The following PTPRE variants were observed in gnomAD, a reference collection of about 807,000 sequenced individuals.
The protein encoded by PTPRE is receptor-type tyrosine-protein phosphatase epsilon.
A neutral mutation model predicts 102.0 loss-of-function variants in PTPRE; 51 were observed. The ratio of observed to expected loss-of-function variants is 0.50; its 90% CI spans 0.40 to 0.63. The LOEUF is 0.63. Among genes scored for constraint, PTPRE ranks in the 30% least tolerant of loss-of-function variants. The probability of loss-of-function intolerance (pLI) is 0.00; values close to 1 mark genes in which losing one functional copy is unlikely to be tolerated. For missense variants in PTPRE, 752 were observed against 915.1 expected (o/e 0.82, Z 2.30); for synonymous variants, 345 against 348.2 (o/e 0.99, Z 0.10).
rs183668340 is a variant in PTPRE at position 127,924,736 on chromosome 10, A to G, written c.-31+17427A>G. On this transcript the variant is annotated intron_variant, in intron 1 of 20. Transcript: ENST00000254667. ...ATAAGGTCCCACTGGGCTGCAGAAT[A>G]CAGAAAAATTGACCCATATAACTTG... Among the ~76,000 whole-genome samples the G allele has an allele frequency of 9.2e-5, 14 of 152,384 alleles. 1 individual carries two copies. The East Asian group carries it at 2.5e-3, about 27-fold the overall frequency.
chr10:128,042,329 A>G (rs1308643268), intron 3 of PTPRE, among the ~76,000 whole-genome samples: 2 of 152,184 alleles, frequency 1.3e-5, no homozygotes, highest in Non-Finnish European at 2.9e-5. Context: ...CACTGTGGGC[A>G]CCGGCAGGAT....
intron 2 of PTPRE, among the ~76,000 whole-genome samples, chr10:128,033,730 C>T (rs1056642385): frequency 3.3e-5 from 5 of 152,196 alleles, no homozygotes; most frequent in South Asian, 2.1e-4. Context: ...TTGCAACCTC[C>T]GCCTCCCGGG....
chr10:128,082,579 C>T (rs61476667), intron 20 of PTPRE, among the ~76,000 whole-genome samples: 3,047 of 151,942 alleles, frequency 0.02, 98 homozygotes, highest in African/African-American at 0.07. Flanking sequence ...GTGAAAGCCA[C>T]AGACATTTAA....
chr10:127,985,769 A>C (rs1379938876), intron 2 of PTPRE, among the ~76,000 whole-genome samples: 2 of 151,722 alleles, frequency 1.3e-5, no homozygotes, highest in African/African-American at 2.4e-5. Context: ...CAGTATTCCA[A>C]TTTTTCACTT....
Position 128,056,115 on chromosome 10 carries a change from T to G in PTPRE, c.421-8T>G. On this transcript the variant is annotated splice_region_variant and splice_polypyrimidine_tract_variant and intron_variant, in intron 6 of 20. Coordinates refer to ENST00000254667, the MANE Select transcript of PTPRE (RefSeq NM_006504.6). ...CACATTTCATACTAATGCTACATTTTCTTCCAGTCATTGCCATCTGGACAC... is the reference window on the plus strand; with the variant it reads ...CACATTTCATACTAATGCTACATTTGCTTCCAGTCATTGCCATCTGGACAC... 1 of 1,594,964 alleles carries G rather than the reference T, an allele frequency of 6.3e-7. No individual in the cohort carries two copies. The highest frequency in any genetic ancestry group is 8.6e-7 in the Non-Finnish European group (1 of 1,162,932).
intron 2 of PTPRE, among the ~76,000 whole-genome samples, chr10:128,029,014 C>T (rs1470244514): frequency 6.6e-6 from 1 of 152,248 alleles, no homozygotes; most frequent in African/African-American, 2.4e-5. Flanking sequence ...CATGCCCCGT[C>T]CTGTGGTTAT....
intron 1 of PTPRE, among the ~76,000 whole-genome samples, chr10:127,914,676 C>T (rs1484432910): frequency 2.6e-5 from 4 of 152,208 alleles, no homozygotes; most frequent in South Asian, 2.1e-4. Flanking sequence ...CTACAGATGT[C>T]GGTGTTTCTT....
chr10:127,926,110 GGAGTCTATT>G (rs1347243906), intron 1 of PTPRE, among the ~76,000 whole-genome samples: 2 of 152,176 alleles, frequency 1.3e-5, no homozygotes, highest in African/African-American at 4.8e-5. Context: ...TTCAAGATTA[GGAGTCTATT>G]GTGTTTTCTC....
chr10:127,932,245 A>T (rs2135242799), intron 1 of PTPRE, among the ~76,000 whole-genome samples: 1 of 152,370 alleles, frequency 6.6e-6, no homozygotes, highest in Non-Finnish European at 1.5e-5. Context: ...GAAAATTAAC[A>T]TGCCGCGTTG....
chr10:128,076,481 T>G (rs1851216988), intron 17 of PTPRE, 122 bp from the exon 18 acceptor site: 1 of 746,452 alleles, frequency 1.3e-6, no homozygotes, highest in African/African-American at 4.4e-5. Context: ...TATTCATATG[T>G]TTTTTTTTTT....
chr10:128,063,975 T>G (rs539542123), intron 10 of PTPRE, among the ~76,000 whole-genome samples: 30 of 152,318 alleles, frequency 2.0e-4, no homozygotes, highest in African/African-American at 7.0e-4. Flanking sequence ...TCTGGCGTGT[T>G]CTGGCATGAA....
chr10:128,020,075 TGCGTG>T, intron 2 of PTPRE, among the ~76,000 whole-genome samples: 1 of 144,262 alleles, frequency 6.9e-6, no homozygotes, highest in Non-Finnish European at 1.5e-5. Flanking sequence ...TGTGTGTGTG[TGCGTG>T]CACATGCACG....
At chr10:128,042,773 C>A (rs1238150309) in intron 3 of PTPRE, among the ~76,000 whole-genome samples, 2 of 152,082 alleles carry the variant, frequency 1.3e-5, no homozygotes, top group Admixed American at 6.6e-5. Flanking sequence ...CTCATGCAGA[C>A]AAATTCTTTT....
At chr10:127,958,718 G>C (rs924253426) in intron 1 of PTPRE, among the ~76,000 whole-genome samples, 18 of 152,056 alleles carry the variant, frequency 1.2e-4, no homozygotes, top group Admixed American at 7.9e-4. Context: ...CATACAATGA[G>C]TGTTCCCTAT....
At chr10:127,937,988 C>T (rs1043631941) in intron 1 of PTPRE, among the ~76,000 whole-genome samples, 8 of 152,028 alleles carry the variant, frequency 5.3e-5, no homozygotes, top group East Asian at 1.9e-4. Flanking sequence ...AAGTAGGTAA[C>T]GCTCTCTCAC....
chr10:128,051,486 T>A lies in PTPRE; in HGVS notation c.420+1820T>A, dbSNP rs957433343. 2.0e-5 allele frequency among the ~76,000 whole-genome samples: 3 copies of A among 152,242 alleles called. No homozygotes were observed. The East Asian group carries it at 5.8e-4, about 29-fold the overall frequency. The stretch of plus-strand genomic sequence containing the variant: ...GGAAGACAGGCTTGGGCCGACTGAT[T>A]TTCCCTGTTGCCCTGGGCCCTGATA... On this transcript the variant is annotated intron_variant, in intron 6 of 20. Coordinates refer to ENST00000254667, the MANE Select transcript of PTPRE (RefSeq NM_006504.6).
chr10:127,952,606 G>A (rs915618325), intron 1 of PTPRE, among the ~76,000 whole-genome samples: 7 of 152,090 alleles, frequency 4.6e-5, no homozygotes, highest in African/African-American at 7.2e-5. Flanking sequence ...ATCAATAGGC[G>A]ATGTCCAGGA....
chr10:127,961,333 A>G (rs1589839736), intron 1 of PTPRE, among the ~76,000 whole-genome samples: 1 of 150,394 alleles, frequency 6.6e-6, no homozygotes, highest in East Asian at 2.0e-4. Flanking sequence ...GGATGAGAAC[A>G]GTGTGGGCTT....
At chr10:127,992,548 C>T (rs1216069580) in intron 2 of PTPRE, among the ~76,000 whole-genome samples, 5 of 152,146 alleles carry the variant, frequency 3.3e-5, no homozygotes, top group East Asian at 3.9e-4. Flanking sequence ...GGTGAAGAGG[C>T]CCCCTATTCA....
Sources: gnomAD v4.1 joint callset for allele counts (sites outside exome capture counted in the v4.1 genomes callset) on GRCh38, gnomAD v4.1.1 for gene constraint, MANE v1.5 for transcripts, NCBI Gene and HGNC (gene_info 2026-07-23, HGNC 2026-07-21) for gene names.